The following PRKAG2 variants were observed in gnomAD, a reference collection of about 807,000 sequenced individuals.
The protein encoded by PRKAG2 is 5'-AMP-activated protein kinase subunit gamma-2.
In PRKAG2, 26 loss-of-function variants were observed where a neutral mutation model predicts 69.6. The observed-to-expected ratio is 0.37, with a 90% confidence interval of 0.27 to 0.52. The LOEUF is 0.52. Among genes scored for constraint, PRKAG2 ranks in the 20% least tolerant of loss-of-function variants. The pLI is 0.90. For synonymous variants in PRKAG2, 293 were observed against 285.0 expected (o/e 1.03, Z -0.28); for missense variants, 557 against 740.0 (o/e 0.75, Z 2.87).
rs150964487 is a variant in PRKAG2, at chr7:151,577,249, A to G, written c.865-797T>C. Among the ~76,000 whole-genome samples, 115 of 152,322 alleles carry G rather than the reference A, an allele frequency of 7.5e-4. 1 individual carries two copies. The highest frequency in any genetic ancestry group is 2.1e-3 in the South Asian group (10 of 4,830). Reference sequence around the variant, plus strand: ...GATACAATATATTTTTGCATTTTATACCTTCCAGACACAAATGGGTCAGGC... The same window carrying G: ...GATACAATATATTTTTGCATTTTATGCCTTCCAGACACAAATGGGTCAGGC... On this transcript the variant is annotated intron_variant, in intron 6 of 15. Coordinates refer to ENST00000287878, the MANE Select transcript of PRKAG2 (RefSeq NM_016203.4).
chr7:151,717,666 G>A (rs892497268), intron 3 of PRKAG2, among the ~76,000 whole-genome samples: 1 of 152,230 alleles, frequency 6.6e-6, no homozygotes, highest in East Asian at 1.9e-4. Context: ...TGGCATGTGT[G>A]AGTAGCCATG....
chr7:151,594,778 C>T (rs2151131683), intron 6 of PRKAG2, among the ~76,000 whole-genome samples: 1 of 152,168 alleles, frequency 6.6e-6, no homozygotes, highest in South Asian at 2.1e-4. Context: ...TTAAATTCCA[C>T]AACAACTTGT....
intron 1 of PRKAG2, among the ~76,000 whole-genome samples, chr7:151,874,435 G>A (rs188700828): frequency 0.021 from 694 of 32,622 alleles, 13 homozygotes; most frequent in East Asian, 0.043. Flanking sequence ...TGTATATGAT[G>A]TATATGTATA....
At chr7:151,818,445 G>A (rs770546715) in intron 1 of PRKAG2, among the ~76,000 whole-genome samples, 13 of 152,302 alleles carry the variant, frequency 8.5e-5, no homozygotes, top group Non-Finnish European at 1.3e-4. Flanking sequence ...ACGTCCCTGC[G>A]ATGAGGCATT....
intron 3 of PRKAG2, among the ~76,000 whole-genome samples, chr7:151,732,510 C>T (rs906804329): frequency 2.6e-5 from 4 of 152,176 alleles, no homozygotes; most frequent in African/African-American, 9.7e-5. Flanking sequence ...AAACACAAAA[C>T]CCTGAAGCAA....
chr7:151,867,438 C>T (rs938061199), intron 1 of PRKAG2, among the ~76,000 whole-genome samples: 21 of 152,178 alleles, frequency 1.4e-4, no homozygotes, highest in Admixed American at 8.5e-4. Context: ...TTCCGAGGCT[C>T]GTGGCAGCAG....
chr7:151,694,137 G>T (rs184235832), intron 3 of PRKAG2, among the ~76,000 whole-genome samples: 6 of 152,172 alleles, frequency 3.9e-5, no homozygotes, highest in Non-Finnish European at 8.8e-5. Flanking sequence ...GCCTCCCAAA[G>T]TATTGGGATT....
chr7:151,665,935 T>C lies in PRKAG2; in HGVS notation c.684+9485A>G, dbSNP rs112671025. ...ACAACCTTGAAAGACTGGTCAGTGA[T>C]CTTCTCCCAGATTTTCATAATAGGA... On this transcript the variant is annotated intron_variant, in intron 4 of 15. Transcript: ENST00000287878. 6.2e-4 allele frequency among the ~76,000 whole-genome samples: 94 copies of C among 152,332 alleles called. 1 individual carries two copies. Among genetic ancestry groups the C allele is most frequent in the African/African-American group, 2.1e-3 (86 of 41,582 alleles).
intron 3 of PRKAG2, among the ~76,000 whole-genome samples, chr7:151,676,310 G>T (rs1360301083): frequency 6.6e-6 from 1 of 151,938 alleles, no homozygotes; most frequent in African/African-American, 2.4e-5. Flanking sequence ...CTACCAAAAC[G>T]TGCAACATGA....
At chr7:151,653,574 G>C (rs537264400) in intron 4 of PRKAG2, among the ~76,000 whole-genome samples, 5 of 152,326 alleles carry the variant, frequency 3.3e-5, no homozygotes, top group African/African-American at 1.2e-4. Context: ...GGGTGCAGTG[G>C]CTCATGCCTC....
rs540189485 is a variant in PRKAG2, at chr7:151,816,353, A to C, written c.115-29812T>G. ...TTTTTGTTTTTTTTTTGTCCGTAGA[A>C]TGAGCCATGTGTTATGGGATGTTCC... is the stretch of plus-strand genomic sequence containing the variant. On this transcript the variant is annotated intron_variant, in intron 1 of 15. Coordinates refer to ENST00000287878, the MANE Select transcript of PRKAG2 (RefSeq NM_016203.4). Among the ~76,000 whole-genome samples, 20 of 152,216 alleles carry C rather than the reference A, an allele frequency of 1.3e-4. No individual in the cohort carries two copies. In the South Asian group the frequency reaches 4.1e-3, roughly 32 times the overall value.
chr7:151,657,227 C>T (rs1221897695), intron 4 of PRKAG2, among the ~76,000 whole-genome samples: 1 of 151,984 alleles, frequency 6.6e-6, no homozygotes, highest in Non-Finnish European at 1.5e-5. Context: ...ATTGTGTGAC[C>T]ATAGTGTATA....
At chr7:151,648,380 C>A (rs943158109) in intron 4 of PRKAG2, among the ~76,000 whole-genome samples, 1 of 152,188 alleles carries the variant, frequency 6.6e-6, no homozygotes, top group Non-Finnish European at 1.5e-5. Flanking sequence ...CGCCTGAAAG[C>A]ATCTTGCATC....
intron 4 of PRKAG2, among the ~76,000 whole-genome samples, chr7:151,663,214 T>G (rs1244798028): frequency 6.6e-6 from 1 of 152,198 alleles, no homozygotes; most frequent in African/African-American, 2.4e-5. Context: ...TCAAGGAGGT[T>G]AAGGGGAAGA....
At chr7:151,661,370 A>G (rs1860732) in intron 4 of PRKAG2, among the ~76,000 whole-genome samples, 146,386 of 152,184 alleles carry the variant, frequency 0.96, 70,461 homozygotes, top group East Asian at 1. Flanking sequence ...TAGAGACGGG[A>G]TTTCACCATA....
In PRKAG2 at chr7:151,664,642, A is replaced by G. The variant is rs117237847; in HGVS notation, c.684+10778T>C. On this transcript the variant is annotated intron_variant, in intron 4 of 15. Coordinates refer to ENST00000287878, the MANE Select transcript of PRKAG2 (RefSeq NM_016203.4). ...GGTTTCTTAGACAAGAAATACACAT[A>G]TTTAAGGTCTACTGCATACCTAGGT... Among the ~76,000 whole-genome samples, 9 of 152,322 alleles carry G rather than the reference A, an allele frequency of 5.9e-5. No individual in the cohort carries two copies. In the East Asian group the frequency reaches 1.5e-3, roughly 26 times the overall value.
At chr7:151,763,820 C>T (rs756224185) in intron 3 of PRKAG2, among the ~76,000 whole-genome samples, 4 of 152,376 alleles carry the variant, frequency 2.6e-5, no homozygotes, top group Non-Finnish European at 4.4e-5. Flanking sequence ...GCTATAGCTG[C>T]TGCCTGTGTC....
At chr7:151,695,692 A>G (rs1836497835) in intron 3 of PRKAG2, among the ~76,000 whole-genome samples, 1 of 151,790 alleles carries the variant, frequency 6.6e-6, no homozygotes, top group Non-Finnish European at 1.5e-5. Flanking sequence ...TCAAATAGGA[A>G]CTCTTGAATG....
rs895046620 is a variant in PRKAG2 at position 151,777,035 on chromosome 7, C to T, written c.466+4117G>A. Reference sequence around the variant, plus strand: ...CCTCAGCCCGCAGCTGGAGCTCCTGCAGTACAGGAGATGGGTTGGGGGACT... The same window carrying T: ...CCTCAGCCCGCAGCTGGAGCTCCTGTAGTACAGGAGATGGGTTGGGGGACT... On this transcript the variant is annotated intron_variant, in intron 3 of 15. Coordinates refer to ENST00000287878, the MANE Select transcript of PRKAG2 (RefSeq NM_016203.4). This position sits in a 1 kb window ranked among gnomAD's most constrained non-coding sequence, Gnocchi z 4.3. Among the ~76,000 whole-genome samples the T allele has an allele frequency of 3.3e-5, 5 of 152,154 alleles. No homozygotes were observed. Among genetic ancestry groups the T allele is most frequent in the South Asian group, 2.1e-4 (1 of 4,830 alleles).
Sources: gnomAD v4.1 joint callset for allele counts (sites outside exome capture counted in the v4.1 genomes callset) on GRCh38, gnomAD v4.1.1 for gene constraint, Gnocchi (gnomAD v3.1) non-coding constraint, MANE v1.5 for transcripts, NCBI Gene and HGNC (gene_info 2026-07-23, HGNC 2026-07-21) for gene names.